Variants in GRID1 observed in about 807,000 individuals in gnomAD.
GRID1 encodes glutamate receptor ionotropic, delta-1.
A neutral mutation model predicts 98.0 loss-of-function variants in GRID1; 28 were observed. The observed-to-expected ratio is 0.29, with a 90% CI of 0.21 to 0.39. The LOEUF (loss-of-function observed/expected upper bound fraction) is 0.39, where lower values mean the gene tolerates loss of function less well. Ranked by LOEUF, GRID1 falls within the 10% of genes least tolerant of loss-of-function variation. GRID1 has a pLI of 1.00. For synonymous variants in GRID1, 553 were observed against 538.5 expected, an observed-to-expected ratio of 1.03 and a Z score of -0.37; for missense variants, 1,111 against 1,340.5, an observed-to-expected ratio of 0.83 and a Z score of 2.67.
At chr10:86,003,317 T>C (rs993320065) in intron 4 of GRID1, among the ~76,000 whole-genome samples, 9 of 152,282 alleles carry the variant, frequency 5.9e-5, no homozygotes, top group Admixed American at 2.6e-4. Context: ...CCTTGGCACA[T>C]CAGCTGGATG....
chr10:85,657,632 G>C (rs111374598), intron 12 of GRID1, among the ~76,000 whole-genome samples: 54 of 152,322 alleles, frequency 3.5e-4, no homozygotes, highest in African/African-American at 1.2e-3. Flanking sequence ...AGCAGGCCTA[G>C]TAATAGTTTG....
intron 4 of GRID1, among the ~76,000 whole-genome samples, chr10:85,966,109 G>A (rs113700936): frequency 1.9e-4 from 29 of 152,300 alleles, no homozygotes; most frequent in African/African-American, 5.8e-4. Flanking sequence ...TTATGCACAC[G>A]GTGTTGTCAT....
At chr10:85,665,618 A>T (rs889466093) in intron 12 of GRID1, among the ~76,000 whole-genome samples, 6 of 152,238 alleles carry the variant, frequency 3.9e-5, no homozygotes, top group Non-Finnish European at 8.8e-5. Flanking sequence ...GTGGTCTTAA[A>T]TTGCTTGACA....
chr10:85,782,836 C>T (rs1437039644), intron 8 of GRID1, among the ~76,000 whole-genome samples: 1 of 152,162 alleles, frequency 6.6e-6, no homozygotes, highest in Admixed American at 6.5e-5. Flanking sequence ...AATTAGTGTA[C>T]GTGCACGTCT....
intron 8 of GRID1, among the ~76,000 whole-genome samples, chr10:85,755,458 C>T (rs1842087616): frequency 6.6e-6 from 1 of 152,204 alleles, no homozygotes; most frequent in Admixed American, 6.5e-5. Flanking sequence ...GCTGCGTGGT[C>T]TCTTGAGGCT....
chr10:86,303,765 C>G (rs1281100317), intron 2 of GRID1, among the ~76,000 whole-genome samples: 3 of 152,348 alleles, frequency 2.0e-5, no homozygotes, highest in South Asian at 4.1e-4. Context: ...ATTTGAGAAG[C>G]CTCACCTGAA....
chr10:85,744,295 G>C (rs1480658313), intron 8 of GRID1, among the ~76,000 whole-genome samples: 1 of 152,170 alleles, frequency 6.6e-6, no homozygotes, highest in East Asian at 1.9e-4. Flanking sequence ...CTAAAGAAGA[G>C]ACTGTCAGAA....
chr10:85,720,456 T>A (rs900822841), intron 12 of GRID1, among the ~76,000 whole-genome samples: 4 of 152,130 alleles, frequency 2.6e-5, no homozygotes, highest in Non-Finnish European at 5.9e-5. Flanking sequence ...CATGATAGTA[T>A]GGTGTTGGCA....
At chr10:85,895,244 C>A (rs1219429075) in intron 5 of GRID1, among the ~76,000 whole-genome samples, 1 of 151,774 alleles carries the variant, frequency 6.6e-6, no homozygotes, top group Non-Finnish European at 1.5e-5. Flanking sequence ...TCCTGGTCCA[C>A]ATCCCATCAT....
At chr10:86,166,398 C>A (rs567073471) in intron 3 of GRID1, among the ~76,000 whole-genome samples, 2 of 152,344 alleles carry the variant, frequency 1.3e-5, no homozygotes, top group South Asian at 2.1e-4. Flanking sequence ...TATGAACAGA[C>A]ACTTCTCAAA....
chr10:86,242,054 A>G (rs1001538011), intron 2 of GRID1, among the ~76,000 whole-genome samples: 3 of 152,250 alleles, frequency 2.0e-5, no homozygotes, highest in African/African-American at 7.2e-5. Flanking sequence ...TAATTCAATT[A>G]CACAGATTTT....
At chr10:86,102,503 A>C (rs1343827700) in intron 4 of GRID1, among the ~76,000 whole-genome samples, 1 of 152,252 alleles carries the variant, frequency 6.6e-6, no homozygotes, top group Non-Finnish European at 1.5e-5. Flanking sequence ...ACTCATTGAC[A>C]GGGAAAACTG....
In GRID1 at chr10:85,602,528, G is replaced by A. The variant is rs1025934063; in HGVS notation, c.2775C>T (p.Leu925=). 2 of 1,614,192 alleles carry A rather than the reference G, an allele frequency of 1.2e-6. No homozygotes were observed. The highest frequency in any genetic ancestry group is 1.7e-6 in the Non-Finnish European group (2 of 1,180,044). ...EPTREYQNTQ[L]SVSTFLPEQS... ...GCTCTGGCAGAAAGGTGCTGACCGA[G>A]AGCTGGGTGTTCTGGTACTCCCGTG... The change falls in exon 16 of 16, where the codon CTC becomes CTT. Residue 925 remains leucine (L), a synonymous_variant. Coordinates refer to ENST00000327946, the MANE Select transcript of GRID1 (RefSeq NM_017551.3).
chr10:86,166,360 T>C (rs1409186182), intron 3 of GRID1, among the ~76,000 whole-genome samples: 1 of 151,952 alleles, frequency 6.6e-6, no homozygotes, highest in Non-Finnish European at 1.5e-5. Context: ...CAAGAAAAAA[T>C]CAACCCCATC....
chr10:85,662,465 G>A (rs1343448715), intron 12 of GRID1, among the ~76,000 whole-genome samples: 1 of 152,188 alleles, frequency 6.6e-6, no homozygotes, highest in African/African-American at 2.4e-5. Context: ...GGCCAGCAAC[G>A]CGGCTGTGGG....
chr10:85,845,242 T>C (rs1842995483), intron 8 of GRID1, among the ~76,000 whole-genome samples: 1 of 152,138 alleles, frequency 6.6e-6, no homozygotes, highest in Non-Finnish European at 1.5e-5. Context: ...ATAAGTTTGA[T>C]ATGCAAACCC....
intron 15 of GRID1, 112 bp from the exon 16 acceptor site, chr10:85,602,813 G>T: frequency 1.4e-6 from 1 of 720,814 alleles, no homozygotes; most frequent in Non-Finnish European, 2.3e-6. Context: ...GTTGGGCTGT[G>T]GGCGAGTATC....
chr10:86,290,044 C>T (rs1847491130), intron 2 of GRID1, among the ~76,000 whole-genome samples: 1 of 152,238 alleles, frequency 6.6e-6, no homozygotes, highest in Non-Finnish European at 1.5e-5. Flanking sequence ...TAGATCCAGC[C>T]ATGCCTGAAG....
At chr10:85,874,994 T>G (rs74963758) in intron 5 of GRID1, among the ~76,000 whole-genome samples, 2 of 152,136 alleles carry the variant, frequency 1.3e-5, no homozygotes, top group African/African-American at 4.8e-5. Flanking sequence ...GCCTCCTGAG[T>G]AGCTGGGACT....
Sources: allele counts gnomAD v4.1 joint callset (sites outside exome capture counted in the v4.1 genomes callset), GRCh38; gene constraint gnomAD v4.1.1; transcripts MANE v1.5; gene names NCBI Gene and HGNC (gene_info 2026-07-23, HGNC 2026-07-21).